AFG2A: variants seen among roughly 807,000 people sequenced by gnomAD.
The protein encoded by AFG2A is ATPase family gene 2 protein homolog A.
chr4:123,200,779 G>A, the AFG2A span, among the ~76,000 whole-genome samples: 1 of 152,354 alleles, frequency 6.6e-6, no homozygotes, highest in Non-Finnish European at 1.5e-5. Flanking sequence ...CAACGTAGCT[G>A]TGACAAGATG....
At chr4:123,030,603 A>G in the AFG2A span, among the ~76,000 whole-genome samples, 1 of 152,202 alleles carries the variant, frequency 6.6e-6, no homozygotes, top group Admixed American at 6.5e-5. Flanking sequence ...TGTCCTAGTT[A>G]CTAATTTTGA....
At chr4:123,310,196 C>A in the AFG2A span, among the ~76,000 whole-genome samples, 493 of 152,326 alleles carry the variant, frequency 3.2e-3, 3 homozygotes, top group Non-Finnish European at 5.2e-3. Context: ...AGGAGTGGCG[C>A]TCTGTCAGCT....
the AFG2A span, chr4:122,938,083 TC>T: frequency 6.6e-7 from 1 of 1,517,486 alleles, no homozygotes; most frequent in Admixed American, 2.2e-5. Flanking sequence ...AAACTTAAAA[TC>T]AAATATAGAT....
At chr4:123,216,961 G>C in the AFG2A span, among the ~76,000 whole-genome samples, 1 of 152,056 alleles carries the variant, frequency 6.6e-6, no homozygotes, top group Admixed American at 6.6e-5. Context: ...GAGCCACCAT[G>C]TCCAGACAAT....
At chr4:123,236,945 A>C in the AFG2A span, among the ~76,000 whole-genome samples, 3 of 152,200 alleles carry the variant, frequency 2.0e-5, no homozygotes, top group African/African-American at 4.8e-5. Flanking sequence ...AATCGAAGAA[A>C]ATAATTTGCC....
the AFG2A span, among the ~76,000 whole-genome samples, chr4:123,117,321 A>C: frequency 1.3e-5 from 2 of 151,888 alleles, no homozygotes; most frequent in South Asian, 4.2e-4. Flanking sequence ...TGTATATGTA[A>C]CCACACATGT....
At chr4:123,032,282 C>G in the AFG2A span, among the ~76,000 whole-genome samples, 1 of 152,196 alleles carries the variant, frequency 6.6e-6, no homozygotes, top group Non-Finnish European at 1.5e-5. Flanking sequence ...AAGTAGTGCA[C>G]AATTCAGAGT....
At chr4:123,042,323 A>G in the AFG2A span, among the ~76,000 whole-genome samples, 2 of 151,568 alleles carry the variant, frequency 1.3e-5, no homozygotes, top group African/African-American at 2.4e-5. Context: ...ATAGCCTCAC[A>G]TAGTGGAAAG....
At chr4:123,316,590 A>C in the AFG2A span, 2 of 152,244 alleles carry the variant, frequency 1.3e-5, no homozygotes, top group East Asian at 1.9e-4. Context: ...AATAAGAGGA[A>C]AACTTATCCT....
At chr4:123,046,657 C>T in the AFG2A span, among the ~76,000 whole-genome samples, 1 of 152,118 alleles carries the variant, frequency 6.6e-6, no homozygotes, top group African/African-American at 2.4e-5. Flanking sequence ...TACAATTCTC[C>T]TCTTTTAGTT....
At chr4:123,131,242 G>A in the AFG2A span, among the ~76,000 whole-genome samples, 1 of 152,042 alleles carries the variant, frequency 6.6e-6, no homozygotes, top group Admixed American at 6.5e-5. Context: ...TTTTGAAGAA[G>A]TACAATTTCC....
chr4:123,091,734 A>G, the AFG2A span, among the ~76,000 whole-genome samples: 3 of 152,324 alleles, frequency 2.0e-5, no homozygotes, highest in South Asian at 6.2e-4. Context: ...CTTTTTCCCT[A>G]GGTCATAATT....
chr4:122,991,858 T>C, the AFG2A span, among the ~76,000 whole-genome samples: 2 of 152,220 alleles, frequency 1.3e-5, no homozygotes, highest in Admixed American at 1.3e-4. Flanking sequence ...GATGTTGGGC[T>C]AGTAGAAACT....
chr4:123,191,369 T>G, the AFG2A span, among the ~76,000 whole-genome samples: 1 of 151,958 alleles, frequency 6.6e-6, no homozygotes, highest in Non-Finnish European at 1.5e-5. Context: ...CTCTTTTTTT[T>G]TTTTTGGCAA....
chr4:123,149,133 T>C, the AFG2A span, among the ~76,000 whole-genome samples: 1 of 152,192 alleles, frequency 6.6e-6, no homozygotes, highest in Non-Finnish European at 1.5e-5. Context: ...GAGATGGCAC[T>C]TATACTTAGT....
the AFG2A span, among the ~76,000 whole-genome samples, chr4:122,995,925 T>C: frequency 6.6e-6 from 1 of 152,256 alleles, no homozygotes; most frequent in South Asian, 2.1e-4. Flanking sequence ...TCTTTTGTGG[T>C]ACCACACTTC....
chr4:123,119,977 CACTG>C, the AFG2A span, among the ~76,000 whole-genome samples: 2 of 152,070 alleles, frequency 1.3e-5, no homozygotes, highest in East Asian at 3.9e-4. Context: ...CATGAGAACT[CACTG>C]ACTATCATGA....
chr4:122,998,102 C>T, the AFG2A span, among the ~76,000 whole-genome samples: 3 of 152,120 alleles, frequency 2.0e-5, no homozygotes, highest in East Asian at 5.8e-4. Flanking sequence ...GTCTCTTTCA[C>T]TTTCTTGATA....
chr4:123,225,306 G>A, the AFG2A span, among the ~76,000 whole-genome samples: 11 of 152,072 alleles, frequency 7.2e-5, no homozygotes, highest in Admixed American at 5.9e-4. Context: ...CCTGAATGGT[G>A]TTGCCTAGGT....
Sources: gnomAD v4.1 joint callset for allele counts (sites outside exome capture counted in the v4.1 genomes callset) on GRCh38, gnomAD v4.1.1 for gene constraint, MANE v1.5 for transcripts, NCBI Gene and HGNC (gene_info 2026-07-23, HGNC 2026-07-21) for gene names.